EHBP1: variants seen among roughly 807,000 people sequenced by gnomAD.
EHBP1 encodes EH domain binding protein 1.
EHBP1 carries 55 observed loss-of-function variants against 144.0 expected under a neutral mutation model. The observed-to-expected ratio is 0.38, with a 90% CI of 0.31 to 0.48. EHBP1 has a LOEUF of 0.48. EHBP1 is among the 20% of genes least tolerant of loss of function. EHBP1 has a pLI of 0.98. For synonymous variants in EHBP1, 469 were observed against 472.7 expected, an observed-to-expected ratio of 0.99 and a Z score of 0.10; for missense variants, 1,200 against 1,364.2, an observed-to-expected ratio of 0.88 and a Z score of 1.90.
At chr2:62,857,310 A>G (rs772279580) in intron 7 of EHBP1, among the ~76,000 whole-genome samples, 1 of 152,206 alleles carries the variant, frequency 6.6e-6, no homozygotes, top group Non-Finnish European at 1.5e-5. Flanking sequence ...TTGTGTCTCT[A>G]TAGATCGTAA....
chr2:62,750,757 A>G (rs1360653960), intron 3 of EHBP1, among the ~76,000 whole-genome samples: 6 of 152,050 alleles, frequency 3.9e-5, no homozygotes, highest in Non-Finnish European at 7.4e-5. Context: ...TGTGAATGGG[A>G]GTTCCCTCAT....
At chr2:62,692,657 T>C (rs2033944552) in intron 1 of EHBP1, among the ~76,000 whole-genome samples, 1 of 152,228 alleles carries the variant, frequency 6.6e-6, no homozygotes, top group South Asian at 2.1e-4. Context: ...CAAGTGCTTG[T>C]TGGTCATTTA....
At chr2:62,824,928 G>A (rs2046241309) in intron 5 of EHBP1, among the ~76,000 whole-genome samples, 1 of 151,772 alleles carries the variant, frequency 6.6e-6, no homozygotes, top group Non-Finnish European at 1.5e-5. Context: ...AGTTTTTCTT[G>A]TCTTGGTTTG....
At chr2:62,810,677 G>A (rs2044921599) in intron 5 of EHBP1, among the ~76,000 whole-genome samples, 3 of 152,194 alleles carry the variant, frequency 2.0e-5, no homozygotes. Flanking sequence ...ATCAGCACAT[G>A]CATTCAAGTC....
chr2:62,713,656 C>T (rs534921838), intron 2 of EHBP1, among the ~76,000 whole-genome samples: 3 of 152,256 alleles, frequency 2.0e-5, no homozygotes, highest in African/African-American at 7.2e-5. Flanking sequence ...AGGCTTGCTT[C>T]TAGAGAGGTT....
chr2:62,780,054 A>G (rs1321224899), intron 5 of EHBP1, among the ~76,000 whole-genome samples: 1 of 152,148 alleles, frequency 6.6e-6, no homozygotes, highest in Non-Finnish European at 1.5e-5. Context: ...AGTTACTGGC[A>G]TGTCAGAAAA....
At chr2:62,711,388 C>A (rs746888565) in intron 2 of EHBP1, among the ~76,000 whole-genome samples, 11 of 152,100 alleles carry the variant, frequency 7.2e-5, no homozygotes, top group Non-Finnish European at 1.5e-4. Context: ...TTGGCCTGAG[C>A]AACCAGGTGA....
chr2:62,949,597 A>G (rs566293437), intron 13 of EHBP1, among the ~76,000 whole-genome samples: 67 of 152,314 alleles, frequency 4.4e-4, no homozygotes, highest in Middle Eastern at 6.8e-3. Flanking sequence ...TATAAAATAA[A>G]TCAAAGATGT....
In EHBP1 at chr2:62,999,629, T is replaced by G. The variant is rs570359371; in HGVS notation, c.3103+2863T>G. On this transcript the variant is annotated intron_variant, in intron 19 of 22. Transcript: ENST00000431489. Reference sequence around the variant, plus strand: ...TCTTTCACTTAACATATCTTCAAGGTTCATCCATGTTGTAGCATGTACCAG... The same window carrying G: ...TCTTTCACTTAACATATCTTCAAGGGTCATCCATGTTGTAGCATGTACCAG... Among the ~76,000 whole-genome samples the G allele has an allele frequency of 1.2e-3, 180 of 152,360 alleles. 1 individual carries two copies. Among genetic ancestry groups the G allele is most frequent in the African/African-American group, 4.1e-3 (171 of 41,586 alleles).
At chr2:62,862,493 C>A (rs2049653014) in intron 8 of EHBP1, among the ~76,000 whole-genome samples, 1 of 151,976 alleles carries the variant, frequency 6.6e-6, no homozygotes, top group Admixed American at 6.6e-5. Context: ...GCCTGTAATC[C>A]CAGCTCCTCA....
intron 19 of EHBP1, among the ~76,000 whole-genome samples, chr2:63,023,532 G>T (rs1455609735): frequency 6.6e-6 from 1 of 152,142 alleles, no homozygotes; most frequent in Non-Finnish European, 1.5e-5. Context: ...CAAACATCTG[G>T]CTTGTCAGTG....
intron 2 of EHBP1, among the ~76,000 whole-genome samples, chr2:62,732,527 A>T (rs980161189): frequency 6.6e-6 from 1 of 152,112 alleles, no homozygotes; most frequent in Non-Finnish European, 1.5e-5. Context: ...TTCTCGTGAT[A>T]AGAGTTCTCA....
intron 19 of EHBP1, among the ~76,000 whole-genome samples, chr2:63,013,447 T>C (rs1469117106): frequency 6.6e-6 from 1 of 152,140 alleles, no homozygotes; most frequent in East Asian, 1.9e-4. Context: ...TATGTAGGGC[T>C]GAATGTGCAG....
intron 10 of EHBP1, among the ~76,000 whole-genome samples, chr2:62,910,677 T>A (rs1308506669): frequency 6.6e-6 from 1 of 152,176 alleles, no homozygotes; most frequent in Non-Finnish European, 1.5e-5. Context: ...TTAAATTTCC[T>A]TTTTGGACAA....
At chr2:62,750,065 G>A (rs1205959660) in intron 3 of EHBP1, among the ~76,000 whole-genome samples, 1 of 152,058 alleles carries the variant, frequency 6.6e-6, no homozygotes, top group Non-Finnish European at 1.5e-5. Context: ...GCCCATGCCT[G>A]TGTCTTGAAT....
intron 10 of EHBP1, among the ~76,000 whole-genome samples, chr2:62,900,724 CTTAAG>C (rs777561727): frequency 1.1e-4 from 16 of 142,210 alleles, no homozygotes; most frequent in Non-Finnish European, 1.9e-4. Context: ...TGAATTTTAT[CTTAAG>C]TTTTGTCTAT....
intron 10 of EHBP1, among the ~76,000 whole-genome samples, chr2:62,908,918 C>G (rs765043821): frequency 4.6e-5 from 7 of 152,186 alleles, no homozygotes; most frequent in Non-Finnish European, 8.8e-5. Flanking sequence ...TCTCCCAGTG[C>G]CTAGAACCAG....
At chr2:62,843,607 C>A (rs2048079400) in intron 7 of EHBP1, among the ~76,000 whole-genome samples, 1 of 152,074 alleles carries the variant, frequency 6.6e-6, no homozygotes, top group African/African-American at 2.4e-5. Flanking sequence ...AATAGCACAG[C>A]ATATTATGGC....
intron 10 of EHBP1, among the ~76,000 whole-genome samples, chr2:62,933,189 A>G (rs916802338): frequency 6.6e-6 from 1 of 151,912 alleles, no homozygotes. Context: ...ATTTTCATGA[A>G]AAATGACTAT....
Sources: gnomAD v4.1 joint callset for allele counts (sites outside exome capture counted in the v4.1 genomes callset) on GRCh38, gnomAD v4.1.1 for gene constraint, MANE v1.5 for transcripts, NCBI Gene and HGNC (gene_info 2026-07-23, HGNC 2026-07-21) for gene names.